MCOLN3: variants seen among roughly 807,000 people sequenced by gnomAD.
The protein encoded by MCOLN3 is mucolipin TRP cation channel 3.
Under a neutral mutation model 69.4 loss-of-function variants are expected in MCOLN3, and 62 were observed. That is an observed-to-expected ratio of 0.89 (90% CI 0.73 to 1.10). The LOEUF is 1.10. Among genes scored for constraint, MCOLN3 ranks in the 50% least tolerant of loss-of-function variants. The pLI is 0.00. For missense variants in MCOLN3, 564 were observed against 656.4 expected (o/e 0.86, Z 1.54); for synonymous variants, 183 against 217.0 (o/e 0.84, Z 1.38).
At chr1:85,047,598 G>C (rs934251112) in intron 1 of MCOLN3, 16 of 152,294 alleles carry the variant, frequency 1.1e-4, no homozygotes, top group South Asian at 2.1e-4. Flanking sequence ...GCAGAGGCTT[G>C]ATTGGAGTAA....
intron 3 of MCOLN3, among the ~76,000 whole-genome samples, chr1:85,035,163 G>A (rs1222090072): frequency 3.3e-5 from 5 of 152,048 alleles, no homozygotes; most frequent in Non-Finnish European, 5.9e-5. Context: ...CCTCCTACAC[G>A]GAATACTTTC....
intron 9 of MCOLN3, chr1:85,025,226 G>A (rs1460340809): frequency 6.6e-6 from 1 of 152,144 alleles, no homozygotes; most frequent in East Asian, 1.9e-4. Flanking sequence ...ACAGAAATAA[G>A]CTCCTATCTT....
intron 3 of MCOLN3, among the ~76,000 whole-genome samples, chr1:85,037,463 C>T (rs1165078368): frequency 1.3e-5 from 2 of 152,208 alleles, no homozygotes. Context: ...AACCTCCTGA[C>T]CACAGAATCT....
chr1:85,041,870 C>CAA (rs11446470), intron 2 of MCOLN3, among the ~76,000 whole-genome samples: 1,549 of 69,128 alleles, frequency 0.022, 72 homozygotes, highest in African/African-American at 0.069. Context: ...AACTACGTCT[C>CAA]AAAAAAAAAA....
intron 6 of MCOLN3, chr1:85,029,915 C>G (rs896766283): frequency 1.3e-5 from 2 of 152,196 alleles, no homozygotes; most frequent in Admixed American, 1.3e-4. Context: ...CTCTTTCTCT[C>G]AAGTCCTGAA....
intron 9 of MCOLN3, among the ~76,000 whole-genome samples, chr1:85,023,887 A>G (rs534914656): frequency 4.6e-5 from 7 of 152,220 alleles, no homozygotes; most frequent in Non-Finnish European, 1.0e-4. Flanking sequence ...AAGCATGTCA[A>G]CAAAAAGGGA....
Position 85,048,398 on chromosome 1 carries a change from G to A in MCOLN3, c.-5C>T, listed in dbSNP as rs1426776115. 1 of 151,918 alleles carries A rather than the reference G, an allele frequency of 6.6e-6. No homozygotes were observed. Among genetic ancestry groups the A allele is most frequent in the East Asian group, 1.9e-4 (1 of 5,154 alleles). The allele number at this position is 151,918 out of a possible 1,614,324, so 9.4% of individuals were successfully genotyped here. On this transcript the variant is annotated splice_region_variant and 5_prime_UTR_variant, in exon 1 of 13. Coordinates refer to ENST00000370589, the MANE Select transcript of MCOLN3 (RefSeq NM_018298.11). ...GGGGCAGCGCCCCGCGGGCTCACCT[G>A]GGGGACAGCGGGGAGCGGCCGCAGC... is the stretch of plus-strand genomic sequence containing the variant.
At chr1:85,043,199 A>T (rs1653157299) in intron 2 of MCOLN3, among the ~76,000 whole-genome samples, 1 of 152,156 alleles carries the variant, frequency 6.6e-6, no homozygotes, top group Non-Finnish European at 1.5e-5. Context: ...CCTCTGTGAA[A>T]TGAGGATACC....
At position 85,034,081 on chromosome 1, in the gene MCOLN3, T is replaced by C. The variant is rs200054778; in HGVS notation, c.550+17A>G. 6.2e-7 allele frequency: 1 copy of C among 1,613,686 alleles called. No individual in the cohort carries two copies. The highest frequency in any genetic ancestry group is 1.3e-5 in the African/African-American group (1 of 75,038). On this transcript the variant is annotated intron_variant, in intron 4 of 12. Coordinates refer to ENST00000370589, the MANE Select transcript of MCOLN3 (RefSeq NM_018298.11). Reference sequence around the variant, plus strand: ...AGGTGTTAAAAATTGAGGTTCTAGGTTATAGAAGAACATCACCAGTTTCAA... The same window carrying C: ...AGGTGTTAAAAATTGAGGTTCTAGGCTATAGAAGAACATCACCAGTTTCAA...
rs575412869 is a variant in MCOLN3, at chr1:85,043,455, G to A, written c.228+1678C>T. ...TGAGGCAGGAGAATCGCTTGAACCCGGGAGGCGGAGGTTGCAGTGAGCTGA... is the reference window on the plus strand; with the variant it reads ...TGAGGCAGGAGAATCGCTTGAACCCAGGAGGCGGAGGTTGCAGTGAGCTGA... On this transcript the variant is annotated intron_variant, in intron 2 of 12. Transcript: ENST00000370589. Among the ~76,000 whole-genome samples the A allele has an allele frequency of 4.6e-5, 7 of 152,032 alleles. No individual in the cohort carries two copies. In the South Asian group the frequency reaches 6.3e-4, roughly 14 times the overall value.
At chr1:85,038,246 T>G (rs1477153953) in intron 3 of MCOLN3, among the ~76,000 whole-genome samples, 1 of 151,898 alleles carries the variant, frequency 6.6e-6, no homozygotes, top group African/African-American at 2.4e-5. Context: ...TGCTTAGGAG[T>G]CCCTTCATCA....
At chr1:85,035,321 C>T (rs1000225711) in intron 3 of MCOLN3, among the ~76,000 whole-genome samples, 1 of 152,186 alleles carries the variant, frequency 6.6e-6, no homozygotes, top group Non-Finnish European at 1.5e-5. Flanking sequence ...CAACCAGTCC[C>T]ATATTTCAAA....
At chr1:85,027,486 G>A (rs982383387) in intron 7 of MCOLN3, among the ~76,000 whole-genome samples, 1 of 152,180 alleles carries the variant, frequency 6.6e-6, no homozygotes, top group African/African-American at 2.4e-5. Flanking sequence ...AATCTGTGCA[G>A]TTTGTTTCCA....
In MCOLN3 at chr1:85,032,914, G is replaced by A; in HGVS notation, c.593C>T (p.Thr198Ile). The change falls in exon 5 of 13, where the codon ACA (threonine) becomes ATA (isoleucine). Residue 198 changes from threonine to isoleucine, a missense_variant. By Grantham distance (89) the Thr-to-Ile change is moderately conservative (BLOSUM62 -1). Coordinates refer to ENST00000370589, the MANE Select transcript of MCOLN3 (RefSeq NM_018298.11). ...VEPDEPFHIG[T>I]PAENKLNLTL... ...TAAGTTCAGTTTATTTTCTGCTGGT[G>A]TCCCAATGTGAAAAGGTTCATCTGG... 1 of 1,614,054 alleles carries A rather than the reference G, an allele frequency of 6.2e-7. No individual in the cohort carries two copies. Among genetic ancestry groups the A allele is most frequent in the Non-Finnish European group, 8.5e-7 (1 of 1,180,028 alleles).
intron 2 of MCOLN3, among the ~76,000 whole-genome samples, chr1:85,043,402 T>C (rs1392676260): frequency 6.6e-6 from 1 of 151,950 alleles, no homozygotes; most frequent in African/African-American, 2.4e-5. Flanking sequence ...TGGTGGTGTG[T>C]GCCTGTAATC....
intron 9 of MCOLN3, chr1:85,025,684 C>T: frequency 2.8e-6 from 1 of 355,714 alleles, no homozygotes; most frequent in South Asian, 4.0e-5. Context: ...AGTCTGAATT[C>T]AGTAGGTCTA....
chr1:85,032,990 A>G, intron 4 of MCOLN3, 34 bp from the exon 5 acceptor site: 1 of 1,570,886 alleles, frequency 6.4e-7, no homozygotes, highest in Non-Finnish European at 8.8e-7. Flanking sequence ...ATGATACAGT[A>G]CTTAAATAAG....
chr1:85,039,065 GA>G (rs1652938359), intron 3 of MCOLN3, among the ~76,000 whole-genome samples: 1 of 152,076 alleles, frequency 6.6e-6, no homozygotes, highest in African/African-American at 2.4e-5. Context: ...TCAGAAGCCT[GA>G]AAGAGAACTG....
In MCOLN3 at chr1:85,041,003, GA is replaced by G; in HGVS notation, c.396+6del. ...TCCCAAGTAAATAATGCACACACTTGATTTACCTGGTTTACTGCGAAGATTA... is the reference window on the plus strand; with the variant it reads ...TCCCAAGTAAATAATGCACACACTTGTTTACCTGGTTTACTGCGAAGATTA... On this transcript the variant is annotated splice_donor_region_variant and intron_variant, in intron 3 of 12. Coordinates refer to ENST00000370589, the MANE Select transcript of MCOLN3 (RefSeq NM_018298.11). 6.2e-7 allele frequency: 1 copy of G among 1,612,312 alleles called. No homozygotes were observed. Among genetic ancestry groups the G allele is most frequent in the Non-Finnish European group, 8.5e-7 (1 of 1,179,476 alleles).
Sources: allele counts gnomAD v4.1 joint callset (sites outside exome capture counted in the v4.1 genomes callset), GRCh38; gene constraint gnomAD v4.1.1; transcripts MANE v1.5; gene names NCBI Gene and HGNC (gene_info 2026-07-23, HGNC 2026-07-21).